Variants in PEDS1 observed in about 807,000 individuals in gnomAD.
PEDS1 encodes the protein plasmanylethanolamine desaturase 1, also known as CarF homolog.
PEDS1 carries 14 observed loss-of-function variants against 35.2 expected under a neutral mutation model. The observed-to-expected ratio is 0.40, with a 90% CI of 0.26 to 0.62. The LOEUF (loss-of-function observed/expected upper bound fraction) is 0.62. Ranked by LOEUF, PEDS1 falls within the 20% of genes least tolerant of loss-of-function variation. PEDS1 has a pLI of 0.44. For synonymous variants in PEDS1, 152 were observed against 152.0 expected, an observed-to-expected ratio of 1.00 and a Z score of 0.00; for missense variants, 260 against 367.8, an observed-to-expected ratio of 0.71 and a Z score of 2.40.
chr20:50,149,997 A>C (rs1204001361), intron 1 of PEDS1, among the ~76,000 whole-genome samples: 1 of 152,130 alleles, frequency 6.6e-6, no homozygotes, highest in Non-Finnish European at 1.5e-5. Context: ...CACTTTAATC[A>C]AACCAAATAG....
rs143177329 is a variant in PEDS1 at position 50,128,011 on chromosome 20, C to T, written c.655G>A (p.Val219Ile). The change falls in exon 5 of 6, where the codon GTC becomes ATC. Residue 219 changes from valine (V) to isoleucine (I), a missense_variant. Physicochemically the swap from Val to Ile is conservative, Grantham distance 29. Coordinates refer to ENST00000371652, the MANE Select transcript of PEDS1 (RefSeq NM_199129.4). This position sits in a 1 kb window ranked among gnomAD's most constrained non-coding sequence, Gnocchi z 5.2. ...LPRKHHRIHH[V>I]SPHETYFCIT... ...CAGAAGTAGGTCTCGTGGGGTGAGA[C>T]GTGGTGGATGCGATGGTGTTTACGT... The T allele has an allele frequency of 3.8e-5, 62 of 1,614,008 alleles. No homozygotes were observed. The highest frequency in any genetic ancestry group is 6.7e-5 in the African/African-American group (5 of 74,904).
In PEDS1 at chr20:50,119,180, C is replaced by G. The variant is rs2081030786; in HGVS notation, c.*5878G>C. On this transcript the variant is annotated 3_prime_UTR_variant, in exon 6 of 6. Coordinates refer to ENST00000371652, the MANE Select transcript of PEDS1 (RefSeq NM_199129.4). The stretch of plus-strand genomic sequence containing the variant: ...CACTCGTGGTTCAAGCCTGTAATCC[C>G]AGCAGTTTGGGAGTCTGAGGCAGGA... The G allele has an allele frequency of 6.6e-6, 1 of 151,974 alleles. No individual in the cohort carries two copies. Among genetic ancestry groups the G allele is most frequent in the Non-Finnish European group, 1.5e-5 (1 of 67,978 alleles). The allele number at this position is 151,974 out of a possible 1,614,324, so 9.4% of individuals were successfully genotyped here.
At chr20:50,150,489 C>T (rs936581311) in intron 1 of PEDS1, among the ~76,000 whole-genome samples, 7 of 152,144 alleles carry the variant, frequency 4.6e-5, no homozygotes, top group African/African-American at 1.7e-4. Context: ...AGTCCTTCCT[C>T]CCTTCAGGCC....
intron 1 of PEDS1, among the ~76,000 whole-genome samples, chr20:50,151,996 A>T (rs961627886): frequency 2.6e-5 from 4 of 152,246 alleles, no homozygotes; most frequent in African/African-American, 9.6e-5. Flanking sequence ...CTTGCAAGGA[A>T]ACCAAGGGGA....
intron 1 of PEDS1, among the ~76,000 whole-genome samples, chr20:50,150,570 C>A (rs1243303393): frequency 6.6e-6 from 1 of 152,200 alleles, no homozygotes; most frequent in Non-Finnish European, 1.5e-5. Context: ...CTGTCCCCAA[C>A]ATTTCAGATC....
intron 2 of PEDS1, among the ~76,000 whole-genome samples, chr20:50,135,037 C>T (rs1438555729): frequency 6.6e-6 from 1 of 151,694 alleles, no homozygotes; most frequent in African/African-American, 2.4e-5. Flanking sequence ...ACAAAAAAAT[C>T]AGCTGGGTGT....
intron 1 of PEDS1, among the ~76,000 whole-genome samples, chr20:50,150,019 G>C (rs1601236200): frequency 6.6e-6 from 1 of 152,274 alleles, no homozygotes; most frequent in Admixed American, 6.5e-5. Context: ...TTCAGTCCCT[G>C]TCCTGCTGGC....
At chr20:50,136,985 C>T (rs931818474) in intron 2 of PEDS1, among the ~76,000 whole-genome samples, 3 of 151,742 alleles carry the variant, frequency 2.0e-5, no homozygotes, top group African/African-American at 4.8e-5. Context: ...GAGTCGTGAT[C>T]GAGTCACTGC....
chr20:50,130,940 C>T lies in PEDS1; in HGVS notation c.249G>A (p.Gly83=), dbSNP rs756357954. ...TPLVILGVVA[G]ALIADFLSGL... ...CAGACAAGAAGTCAGCAATGAGAGC[C>T]CCTGCAACTGTGGACAAGAGGGTGA... Residue 83 remains glycine, a synonymous_variant, in exon 3 of 6, where the codon GGG becomes GGA. Coordinates refer to ENST00000371652, the MANE Select transcript of PEDS1 (RefSeq NM_199129.4). 1 of 1,614,196 alleles carries T rather than the reference C, an allele frequency of 6.2e-7. No individual in the cohort carries two copies. Among genetic ancestry groups the T allele is most frequent in the South Asian group, 1.1e-5 (1 of 91,084 alleles).
At chr20:50,148,998 C>T (rs111410779) in intron 1 of PEDS1, among the ~76,000 whole-genome samples, 12,027 of 152,068 alleles carry the variant, frequency 0.079, 641 homozygotes, top group Middle Eastern at 0.12. Context: ...CCTGCAATCT[C>T]GGCACTTTGG....
intron 2 of PEDS1, among the ~76,000 whole-genome samples, chr20:50,137,355 T>G (rs1272289192): frequency 6.6e-6 from 1 of 152,146 alleles, no homozygotes; most frequent in African/African-American, 2.4e-5. Flanking sequence ...GTAACTTAAC[T>G]GTGGAGAACT....
chr20:50,123,612 A>G lies in PEDS1; in HGVS notation c.*1446T>C, dbSNP rs2081069821. ...GGCCTGTGTACTTGCTGTCCCATCA[A>G]GAGGCCTCTTCCCTCACTTCTTTCG... On this transcript the variant is annotated 3_prime_UTR_variant, in exon 6 of 6. Coordinates refer to ENST00000371652, the MANE Select transcript of PEDS1 (RefSeq NM_199129.4). 1 of 152,276 alleles carries G rather than the reference A, an allele frequency of 6.6e-6. No homozygotes were observed. The highest frequency in any genetic ancestry group is 2.4e-5 in the African/African-American group (1 of 41,426). The allele number at this position is 152,276 out of a possible 1,614,324, so 9.4% of individuals were successfully genotyped here.
intron 2 of PEDS1, among the ~76,000 whole-genome samples, chr20:50,142,511 C>T (rs562084559): frequency 6.6e-6 from 1 of 152,310 alleles, no homozygotes; most frequent in East Asian, 1.9e-4. Flanking sequence ...GATCTTGGCT[C>T]ACTGCAACCT....
Position 50,138,672 on chromosome 20 carries a change from G to A in PEDS1, c.241+4830C>T, listed in dbSNP as rs986249878. Among the ~76,000 whole-genome samples the A allele has an allele frequency of 6.0e-4, 92 of 152,330 alleles. 1 individual carries two copies. The highest frequency in any genetic ancestry group is 1.9e-3 in the African/African-American group (77 of 41,580). On this transcript the variant is annotated intron_variant, in intron 2 of 5. Coordinates refer to ENST00000371652, the MANE Select transcript of PEDS1 (RefSeq NM_199129.4). Reference sequence around the variant, plus strand: ...GCTCCGTGATCTTGCGGCCTCTGCCGGTGGCAGTGACTCCAGGCTGCTGTC... The same window carrying A: ...GCTCCGTGATCTTGCGGCCTCTGCCAGTGGCAGTGACTCCAGGCTGCTGTC...
At chr20:50,131,048 G>A in intron 2 of PEDS1, 101 bp from the exon 3 acceptor site, 1 of 1,593,776 alleles carries the variant, frequency 6.3e-7, no homozygotes, top group East Asian at 2.3e-5. Context: ...GTTAGGAGGG[G>A]AAGGTGTCCC....
In PEDS1 at chr20:50,123,268, C is replaced by CTT. The variant is rs35699141; in HGVS notation, c.*1788_*1789dup. 3 of 145,522 alleles carry CTT rather than the reference C, an allele frequency of 2.1e-5. No homozygotes were observed. Among genetic ancestry groups the CTT allele is most frequent in the Non-Finnish European group, 3.0e-5 (2 of 65,960 alleles). The allele number at this position is 145,522 out of a possible 1,614,324, so 9.0% of individuals were successfully genotyped here. The stretch of plus-strand genomic sequence containing the variant: ...CATCTCTTAAAATCCCAAGCTTGTT[C>CTT]TTTTTTTTTTTTTCTAAGCGAAGTC... On this transcript the variant is annotated 3_prime_UTR_variant, in exon 6 of 6. Coordinates refer to ENST00000371652, the MANE Select transcript of PEDS1 (RefSeq NM_199129.4).
At chr20:50,130,085 G>A (rs1156801933) in intron 3 of PEDS1, among the ~76,000 whole-genome samples, 1 of 152,178 alleles carries the variant, frequency 6.6e-6, no homozygotes, top group Non-Finnish European at 1.5e-5. Context: ...CCTTAGTCCA[G>A]GCTCTTCTGA....
rs1347867342 is a variant in PEDS1 at position 50,143,495 on chromosome 20, C to G, written c.241+7G>C. ...TTGAGGCAGGCAGCAGTGCCTCGGGCACTCACCAACACCGAGTATGACGAG... is the reference window on the plus strand; with the variant it reads ...TTGAGGCAGGCAGCAGTGCCTCGGGGACTCACCAACACCGAGTATGACGAG... On this transcript the variant is annotated splice_region_variant and intron_variant, in intron 2 of 5. Coordinates refer to ENST00000371652, the MANE Select transcript of PEDS1 (RefSeq NM_199129.4). The G allele has an allele frequency of 1.9e-6, 3 of 1,601,016 alleles. No individual in the cohort carries two copies. In the African/African-American group the frequency reaches 4.0e-5, roughly 21 times the overall value.
In PEDS1 at chr20:50,129,333, G is replaced by A. The variant is rs1601209554; in HGVS notation, c.478+213C>T. 6.6e-6 allele frequency among the ~76,000 whole-genome samples: 1 copy of A among 152,216 alleles called. No homozygotes were observed. The highest frequency in any genetic ancestry group is 6.5e-5 in the Admixed American group (1 of 15,280). ...GCTCCCACCCAGTGAGGCCAGGTGG[G>A]AACATGGACCCAGGGGGGCCAGAGC... On this transcript the variant is annotated intron_variant, in intron 4 of 5. Coordinates refer to ENST00000371652, the MANE Select transcript of PEDS1 (RefSeq NM_199129.4). This position sits in a 1 kb window ranked among gnomAD's most constrained non-coding sequence, Gnocchi z 4.2.
Sources: allele counts gnomAD v4.1 joint callset (sites outside exome capture counted in the v4.1 genomes callset), GRCh38; gene constraint gnomAD v4.1.1; non-coding constraint Gnocchi (gnomAD v3.1); transcripts MANE v1.5; gene names NCBI Gene and HGNC (gene_info 2026-07-23, HGNC 2026-07-21).